Variants in CCSER2 observed in about 807,000 individuals in gnomAD.
CCSER2 encodes the protein coiled-coil serine rich protein 2, also known as serine-rich coiled-coil domain-containing protein 2.
CCSER2 carries 46 observed loss-of-function variants against 92.3 expected under a neutral mutation model. The ratio of observed to expected loss-of-function variants is 0.50; its 90% CI spans 0.39 to 0.64. The LOEUF is 0.64. Among genes scored for constraint, CCSER2 ranks in the 30% least tolerant of loss-of-function variants. The probability of loss-of-function intolerance (pLI) is 0.00; values close to 1 mark genes in which losing one functional copy is unlikely to be tolerated. For synonymous variants in CCSER2, 433 were observed against 431.4 expected, an observed-to-expected ratio of 1.00 and a Z score of -0.04; for missense variants, 1,244 against 1,238.9, an observed-to-expected ratio of 1.00 and a Z score of -0.06.
chr10:84,462,016 C>T (rs1298686967), intron 6 of CCSER2, among the ~76,000 whole-genome samples: 1 of 152,142 alleles, frequency 6.6e-6, no homozygotes, highest in Non-Finnish European at 1.5e-5. Flanking sequence ...GCTCTGTTTT[C>T]AAAGCTTTTG....
intron 4 of CCSER2, chr10:84,425,209 G>A (rs1017199368): frequency 3.6e-5 from 35 of 972,668 alleles, no homozygotes; most frequent in Admixed American, 6.2e-5. Flanking sequence ...AGATTGAAGC[G>A]TCTTACTTTC....
Position 84,426,335 on chromosome 10 carries a change from C to T in CCSER2, c.1868+442C>T, listed in dbSNP as rs570042522. Among the ~76,000 whole-genome samples, 119 of 152,170 alleles carry T rather than the reference C, an allele frequency of 7.8e-4. No homozygotes were observed. The South Asian group carries it at 0.012, about 16-fold the overall frequency. On this transcript the variant is annotated intron_variant, in intron 5 of 9. Transcript: ENST00000372088. ...AAGGTACTGTTTAGTGCTGAAGGTACTATTTAGTCTTTTCTTTTTCAAAGT... is the reference window on the plus strand; with the variant it reads ...AAGGTACTGTTTAGTGCTGAAGGTATTATTTAGTCTTTTCTTTTTCAAAGT...
At chr10:84,449,222 A>G (rs1162030315) in intron 6 of CCSER2, among the ~76,000 whole-genome samples, 1 of 152,124 alleles carries the variant, frequency 6.6e-6, no homozygotes, top group Non-Finnish European at 1.5e-5. Context: ...TAAAAATACA[A>G]AAATTAGCCA....
Position 84,373,710 on chromosome 10 carries a change from A to G in CCSER2, c.1509A>G (p.Pro503=), listed in dbSNP as rs1316427134. The change falls in exon 3 of 10, where the codon CCA becomes CCG. Residue 503 remains proline (P), a synonymous_variant. Coordinates refer to ENST00000372088, the MANE Select transcript of CCSER2 (RefSeq NM_001284240.2). ...YRAGSSFELS[P]SDSSDGTYMW... Reference sequence around the variant, plus strand: ...CTGGTTCTTCGTTTGAACTCTCTCCATCTGATAGCTCTGATGGAACATACA... The same window carrying G: ...CTGGTTCTTCGTTTGAACTCTCTCCGTCTGATAGCTCTGATGGAACATACA... 2 of 1,613,774 alleles carry G rather than the reference A, an allele frequency of 1.2e-6. No homozygotes were observed. The highest frequency in any genetic ancestry group is 2.2e-5 in the South Asian group (2 of 91,078).
At chr10:84,418,576 G>A (rs1035027640) in intron 4 of CCSER2, among the ~76,000 whole-genome samples, 1 of 152,170 alleles carries the variant, frequency 6.6e-6, no homozygotes, top group Non-Finnish European at 1.5e-5. Flanking sequence ...GGTCTCACAG[G>A]CCTCCATGGG....
chr10:84,355,975 C>T (rs1044180634), intron 1 of CCSER2, among the ~76,000 whole-genome samples: 28 of 151,172 alleles, frequency 1.9e-4, no homozygotes, highest in African/African-American at 5.6e-4. Context: ...TAGTGGCGGG[C>T]GCCTGTAATC....
At chr10:84,365,125 A>G (rs114301998) in intron 1 of CCSER2, among the ~76,000 whole-genome samples, 11 of 152,170 alleles carry the variant, frequency 7.2e-5, no homozygotes, top group Admixed American at 3.9e-4. Flanking sequence ...CTAAAAAAAA[A>G]CTGACATTTT....
intron 5 of CCSER2, among the ~76,000 whole-genome samples, chr10:84,434,057 G>C (rs1002760270): frequency 2.0e-5 from 3 of 152,188 alleles, no homozygotes; most frequent in African/African-American, 7.2e-5. Context: ...GTTTCTGTTA[G>C]AAATTCATGA....
intron 3 of CCSER2, among the ~76,000 whole-genome samples, chr10:84,406,270 G>A (rs891975891): frequency 6.6e-6 from 1 of 152,186 alleles, no homozygotes; most frequent in African/African-American, 2.4e-5. Context: ...GATGGGAGGA[G>A]GGTGTAACTA....
intron 9 of CCSER2, among the ~76,000 whole-genome samples, chr10:84,506,834 A>T (rs1420949520): frequency 6.6e-6 from 1 of 151,130 alleles, no homozygotes; most frequent in African/African-American, 2.4e-5. Context: ...TAAATCTAAC[A>T]CTTATTTAAT....
At chr10:84,430,883 A>G (rs529803346) in intron 5 of CCSER2, among the ~76,000 whole-genome samples, 1 of 152,138 alleles carries the variant, frequency 6.6e-6, no homozygotes, top group Non-Finnish European at 1.5e-5. Context: ...GGAGGAATGG[A>G]GTTTTAGAAA....
intron 1 of CCSER2, among the ~76,000 whole-genome samples, chr10:84,369,106 C>A (rs1276895162): frequency 6.7e-6 from 1 of 149,094 alleles, no homozygotes; most frequent in African/African-American, 2.5e-5. Context: ...CCACATCTGG[C>A]AATTGTGAAT....
At chr10:84,426,786 A>G (rs1248054376) in intron 5 of CCSER2, among the ~76,000 whole-genome samples, 1 of 152,226 alleles carries the variant, frequency 6.6e-6, no homozygotes, top group Non-Finnish European at 1.5e-5. Flanking sequence ...CAGCAAAAGC[A>G]AAGAATAAAA....
At chr10:84,464,738 G>A (rs1846292463) in intron 7 of CCSER2, among the ~76,000 whole-genome samples, 1 of 152,080 alleles carries the variant, frequency 6.6e-6, no homozygotes, top group Non-Finnish European at 1.5e-5. Context: ...CTCATTCTGG[G>A]ATCCATACTG....
At chr10:84,491,706 G>A (rs1001101374) in intron 9 of CCSER2, among the ~76,000 whole-genome samples, 3 of 152,004 alleles carry the variant, frequency 2.0e-5, no homozygotes, top group Non-Finnish European at 4.4e-5. Context: ...GGGATGCCTC[G>A]CCCTGCTTCC....
intron 1 of CCSER2, among the ~76,000 whole-genome samples, chr10:84,366,669 G>C (rs1845790831): frequency 6.6e-6 from 1 of 152,194 alleles, no homozygotes; most frequent in Admixed American, 6.5e-5. Context: ...TTTGGGCAAT[G>C]ACAAATAACG....
At chr10:84,476,075 A>G (rs1167602409) in intron 8 of CCSER2, among the ~76,000 whole-genome samples, 1 of 152,054 alleles carries the variant, frequency 6.6e-6, no homozygotes, top group East Asian at 1.9e-4. Context: ...GGCCCAAGCA[A>G]TCCGCCAGCC....
intron 9 of CCSER2, among the ~76,000 whole-genome samples, chr10:84,506,826 A>AATAAATAAATAG (rs1375222689): frequency 6.6e-6 from 1 of 151,784 alleles, no homozygotes; most frequent in African/African-American, 2.4e-5. Flanking sequence ...TAAATAAATA[A>AATAAATAAATAG]ATCTAACACT....
intron 3 of CCSER2, among the ~76,000 whole-genome samples, chr10:84,408,428 A>AT (rs902511683): frequency 6.6e-6 from 1 of 151,358 alleles, no homozygotes; most frequent in Non-Finnish European, 1.5e-5. Context: ...CTCTCCCTCC[A>AT]TTTTTTGCCT....
Sources: allele counts gnomAD v4.1 joint callset (sites outside exome capture counted in the v4.1 genomes callset), GRCh38; gene constraint gnomAD v4.1.1; transcripts MANE v1.5; gene names NCBI Gene and HGNC (gene_info 2026-07-23, HGNC 2026-07-21).